NABP2: variants seen among roughly 807,000 people sequenced by gnomAD.
NABP2 encodes the protein nucleic acid binding protein 2, also known as SOSS complex subunit B1.
Under a neutral mutation model 22.7 loss-of-function variants are expected in NABP2, and 7 were observed. The observed-to-expected ratio is 0.31, with a 90% CI of 0.18 to 0.58. The LOEUF (loss-of-function observed/expected upper bound fraction) is 0.58, where lower values mean the gene tolerates loss of function less well. NABP2 is among the 20% of genes least tolerant of loss of function. NABP2 has a pLI of 0.89. For missense variants in NABP2, 188 were observed against 265.9 expected (o/e 0.71, Z 2.04); for synonymous variants, 107 against 99.2 (o/e 1.08, Z -0.47).
chr12:56,226,444 T>C (rs762923366), intron 6 of NABP2, 25 bp downstream of exon 6: 1 of 1,601,886 alleles, frequency 6.2e-7, no homozygotes, highest in Non-Finnish European at 8.5e-7. Context: ...TTCTATCCAC[T>C]GGTCCTCCTA....
chr12:56,225,814 T>G (rs2135830727), intron 4 of NABP2, 119 bp downstream of exon 4: 1 of 1,143,040 alleles, frequency 8.7e-7, no homozygotes, highest in South Asian at 1.3e-5. Context: ...TGTTTGTTTG[T>G]TTGTTTTGAG....
At chr12:56,228,656 G>A (rs1448990179) in intron 6 of NABP2, among the ~76,000 whole-genome samples, 1 of 152,100 alleles carries the variant, frequency 6.6e-6, no homozygotes, top group East Asian at 1.9e-4. Flanking sequence ...ACCGTACTGA[G>A]ATTACAGGTG....
chr12:56,224,346 T>A lies in NABP2; in HGVS notation c.-119T>A. On this transcript the variant is annotated 5_prime_UTR_variant, in exon 1 of 7. Transcript: ENST00000267023. Reference sequence around the variant, plus strand: ...GGGAAACTTCCGGGAATGTCCGCACTCCCGCGTTCCACGGGGCAGCATCCG... The same window carrying A: ...GGGAAACTTCCGGGAATGTCCGCACACCCGCGTTCCACGGGGCAGCATCCG... 1 of 987,698 alleles carries A rather than the reference T, an allele frequency of 1.0e-6. No homozygotes were observed. Among genetic ancestry groups the A allele is most frequent in the Non-Finnish European group, 1.2e-6 (1 of 830,844 alleles). The allele number at this position is 987,698 out of a possible 1,614,324, so 61.2% of individuals were successfully genotyped here.
chr12:56,229,087 T>TTGGGCCCCCC lies in NABP2; in HGVS notation c.510_511insTGGGCCCCCC (p.Pro171TrpfsTer33). ...GTGGTGGCCCACATCCCCCTCATAC[T>TTGGGCCCCCC]CCCTCCCACCCACCCAGCACCCGAA... On this transcript the variant is annotated frameshift_variant, in exon 7 of 7. Coordinates refer to ENST00000267023, the MANE Select transcript of NABP2 (RefSeq NM_024068.4). LOFTEE classifies it high-confidence loss of function. The TTGGGCCCCCC allele has an allele frequency of 2.0e-6, 3 of 1,512,336 alleles. No homozygotes were observed. Among genetic ancestry groups the TTGGGCCCCCC allele is most frequent in the Non-Finnish European group, 2.7e-6 (3 of 1,102,006 alleles). The allele number at this position is 1,512,336 out of a possible 1,614,324, so 93.7% of individuals were successfully genotyped here.
In NABP2 at chr12:56,224,431, G is replaced by C. The variant is rs955712467; in HGVS notation, c.-34G>C. 5.2e-5 allele frequency: 53 copies of C among 1,026,100 alleles called. No homozygotes were observed. Among genetic ancestry groups the C allele is most frequent in the Non-Finnish European group, 5.9e-5 (50 of 850,144 alleles). 63.6% of individuals were successfully genotyped at this position (1,026,100 alleles called of 1,614,324 possible). A position where few individuals can be genotyped will look rare whatever the true frequency, so the allele number is the denominator to read the frequency against. On this transcript the variant is annotated 5_prime_UTR_variant, in exon 1 of 7. Transcript: ENST00000267023. ...GCTCAGCGGCGTGCACAGTCCTGCCGGCTGGCTTGGGTGGGTGGTGGGCTG... is the reference window on the plus strand; with the variant it reads ...GCTCAGCGGCGTGCACAGTCCTGCCCGCTGGCTTGGGTGGGTGGTGGGCTG...
upstream of NABP2, among the ~76,000 whole-genome samples, chr12:56,222,351 G>T (rs147489675): frequency 6.6e-6 from 1 of 152,308 alleles, no homozygotes; most frequent in Non-Finnish European, 1.5e-5. Context: ...CTCCTGTCAT[G>T]GGAATGGATA....
intron 4 of NABP2, 74 bp downstream of exon 4, chr12:56,225,769 T>C: frequency 7.0e-7 from 1 of 1,433,510 alleles, no homozygotes; most frequent in South Asian, 1.1e-5. Context: ...GCATAGGGTG[T>C]GCAGTCCAAG....
At position 56,229,284 on chromosome 12, in the gene NABP2, G is replaced by A. The variant is rs1410137853; in HGVS notation, c.*71G>A. 2 of 1,547,740 alleles carry A rather than the reference G, an allele frequency of 1.3e-6. No homozygotes were observed. Among genetic ancestry groups the A allele is most frequent in the East Asian group, 4.5e-5 (2 of 44,474 alleles). On this transcript the variant is annotated 3_prime_UTR_variant, in exon 7 of 7. Coordinates refer to ENST00000267023, the MANE Select transcript of NABP2 (RefSeq NM_024068.4). ...CTGGAGAGCAAGATAGCCTTCCACT[G>A]ATTGGCTGGTGTAGCAGTATTTTAG...
At chr12:56,222,558 G>A (rs1248858398), upstream of NABP2, among the ~76,000 whole-genome samples, 1 of 152,184 alleles carries the variant, frequency 6.6e-6, no homozygotes, top group Non-Finnish European at 1.5e-5. Flanking sequence ...CTCTTCCTGA[G>A]TTGGGGTTTG....
Position 56,229,119 on chromosome 12 carries a change from G to A in NABP2, c.542G>A (p.Arg181Gln), listed in dbSNP as rs749468271. The change falls in exon 7 of 7, where the codon CGA (arginine) becomes CAA (glutamine). Residue 181 changes from arginine to glutamine, a missense_variant. Arg to Gln is a conservative substitution (Grantham distance 43). Coordinates refer to ENST00000267023, the MANE Select transcript of NABP2 (RefSeq NM_024068.4). ...CACCCACCCAGCACCCGAATCACTCGAAGCCAGCCCAACCACACACCTGCA... is the reference window on the plus strand; with the variant it reads ...CACCCACCCAGCACCCGAATCACTCAAAGCCAGCCCAACCACACACCTGCA... ...PSHPPSTRIT[R>Q]SQPNHTPAGP... 5 of 1,076,892 alleles carry A rather than the reference G, an allele frequency of 4.6e-6. No individual in the cohort carries two copies. The highest frequency in any genetic ancestry group is 2.3e-5 in the Admixed American group (1 of 42,970). 66.7% of individuals were successfully genotyped at this position (1,076,892 alleles called of 1,614,324 possible).
Position 56,229,087 on chromosome 12 carries a change from T to TTCCCGG in NABP2, c.510_511insTCCCGG (p.Thr170_Pro171insSerArg). ...GTGGTGGCCCACATCCCCCTCATACTCCCTCCCACCCACCCAGCACCCGAA... is the reference window on the plus strand; with the variant it reads ...GTGGTGGCCCACATCCCCCTCATACTTCCCGGCCCTCCCACCCACCCAGCACCCGAA... On this transcript the variant is annotated inframe_insertion, in exon 7 of 7. Transcript: ENST00000267023. The TTCCCGG allele has an allele frequency of 6.6e-7, 1 of 1,512,346 alleles. No individual in the cohort carries two copies. The highest frequency in any genetic ancestry group is 9.1e-7 in the Non-Finnish European group (1 of 1,102,014). 93.7% of individuals were successfully genotyped at this position (1,512,346 alleles called of 1,614,324 possible).
chr12:56,228,580 G>T (rs751011000), intron 6 of NABP2, among the ~76,000 whole-genome samples: 2 of 151,916 alleles, frequency 1.3e-5, no homozygotes, highest in Admixed American at 6.6e-5. Flanking sequence ...TAGAGACGGG[G>T]TTTCACTATG....
At chr12:56,227,024 A>G (rs577265099) in intron 6 of NABP2, among the ~76,000 whole-genome samples, 41 of 143,170 alleles carry the variant, frequency 2.9e-4, no homozygotes, top group Admixed American at 1.9e-3. Context: ...GCGCCCAGCC[A>G]TGGGCTGCAG....
upstream of NABP2, among the ~76,000 whole-genome samples, chr12:56,222,444 C>G (rs1182963613): frequency 1.3e-5 from 2 of 152,180 alleles, no homozygotes; most frequent in Non-Finnish European, 2.9e-5. Context: ...AACGGGTTGT[C>G]TGCCTCTCTC....
At chr12:56,227,397 T>C (rs1164145316) in intron 6 of NABP2, among the ~76,000 whole-genome samples, 2 of 149,730 alleles carry the variant, frequency 1.3e-5, no homozygotes, top group African/African-American at 4.9e-5. Flanking sequence ...AAAGAACCAC[T>C]AGGCTATAAC....
In NABP2 at chr12:56,224,448, G is replaced by T; in HGVS notation, c.-24+7G>T. 1 of 1,034,632 alleles carries T rather than the reference G, an allele frequency of 9.7e-7. No individual in the cohort carries two copies. Among genetic ancestry groups the T allele is most frequent in the Non-Finnish European group, 1.2e-6 (1 of 854,796 alleles). The allele number at this position is 1,034,632 out of a possible 1,614,324, so 64.1% of individuals were successfully genotyped here. On this transcript the variant is annotated splice_region_variant and intron_variant, in intron 1 of 6. Transcript: ENST00000267023. ...GTCCTGCCGGCTGGCTTGGGTGGGT[G>T]GTGGGCTGCGGGTAGGGGAGGGGAT... is the stretch of plus-strand genomic sequence containing the variant.
chr12:56,228,726 A>G (rs1432332624), intron 6 of NABP2, among the ~76,000 whole-genome samples: 1 of 152,086 alleles, frequency 6.6e-6, no homozygotes, highest in African/African-American at 2.4e-5. Flanking sequence ...TGAGCCTAGA[A>G]CTAAACAGCT....
chr12:56,225,679 C>G lies in NABP2; in HGVS notation c.274C>G (p.Leu92Val), dbSNP rs1209836627. The G allele has an allele frequency of 2.5e-6, 4 of 1,614,182 alleles. No individual in the cohort carries two copies. The highest frequency in any genetic ancestry group is 3.4e-6 in the Non-Finnish European group (4 of 1,180,036). ...ACTATATACTGGCCGTGGGGGTGAT[C>G]TGCAGAAGATTGGAGAGTAAGTGCT... ...LTLYTGRGGD[L>V]QKIGEFCMVY... The change falls in exon 4 of 7, where the codon CTG becomes GTG. Residue 92 changes from leucine to valine, a missense_variant. Coordinates refer to ENST00000267023, the MANE Select transcript of NABP2 (RefSeq NM_024068.4).
chr12:56,229,085 A>ACT lies in NABP2; in HGVS notation c.510_511dup (p.Pro171LeufsTer63). 1.9e-6 allele frequency: 3 copies of ACT among 1,587,624 alleles called. No individual in the cohort carries two copies. ...CGGTGGTGGCCCACATCCCCCTCAT[A>ACT]CTCCCTCCCACCCACCCAGCACCCG... is the stretch of plus-strand genomic sequence containing the variant. On this transcript the variant is annotated frameshift_variant, in exon 7 of 7. Transcript: ENST00000267023. LOFTEE classifies it high-confidence loss of function.
Sources: gnomAD v4.1 joint callset for allele counts (sites outside exome capture counted in the v4.1 genomes callset) on GRCh38, gnomAD v4.1.1 for gene constraint, MANE v1.5 for transcripts, NCBI Gene and HGNC (gene_info 2026-07-23, HGNC 2026-07-21) for gene names.